Variants in SOX5 observed in about 807,000 individuals in gnomAD.
The protein encoded by SOX5 is transcription factor SOX-5.
SOX5 carries 9 observed loss-of-function variants against 92.0 expected under a neutral mutation model. The observed-to-expected ratio is 0.10, with a 90% CI of 0.06 to 0.17. The LOEUF (loss-of-function observed/expected upper bound fraction) is 0.17. Among genes scored for constraint, SOX5 ranks in the 10% least tolerant of loss-of-function variants. SOX5 has a pLI of 1.00. For missense variants in SOX5, 642 were observed against 944.5 expected (o/e 0.68, Z 4.20); for synonymous variants, 344 against 336.3 (o/e 1.02, Z -0.25).
intron 1 of SOX5, among the ~76,000 whole-genome samples, chr12:24,469,190 C>T (rs1944530251): frequency 1.3e-5 from 2 of 152,130 alleles, no homozygotes; most frequent in Admixed American, 6.5e-5. Context: ...CCCTCACATA[C>T]ACAGTTTACA....
chr12:23,888,215 T>C (rs957837475), intron 2 of SOX5, among the ~76,000 whole-genome samples: 2 of 152,200 alleles, frequency 1.3e-5, no homozygotes, highest in African/African-American at 4.8e-5. Context: ...AGTTGAATCT[T>C]TCTGCAGCAC....
At chr12:24,553,293 C>G (rs1178013398) in intron 1 of SOX5, among the ~76,000 whole-genome samples, 1 of 152,196 alleles carries the variant, frequency 6.6e-6, no homozygotes, top group African/African-American at 2.4e-5. Flanking sequence ...CACTTGACCA[C>G]TGGAGTCTCT....
At chr12:24,121,120 A>C (rs1178678653) in intron 4 of SOX5, among the ~76,000 whole-genome samples, 1 of 152,220 alleles carries the variant, frequency 6.6e-6, no homozygotes, top group Non-Finnish European at 1.5e-5. Context: ...TTAAATGCTT[A>C]CAAAACAGAC....
chr12:24,033,090 G>T (rs561128834), intron 4 of SOX5, among the ~76,000 whole-genome samples: 3 of 151,910 alleles, frequency 2.0e-5, no homozygotes, highest in South Asian at 2.1e-4. Flanking sequence ...GACCCCAAAA[G>T]GTTGAAATAC....
At chr12:23,874,804 T>C (rs966379562) in intron 2 of SOX5, among the ~76,000 whole-genome samples, 1 of 152,114 alleles carries the variant, frequency 6.6e-6, no homozygotes, top group African/African-American at 2.4e-5. Flanking sequence ...TCATAAATCA[T>C]GAAAAACTAC....
chr12:24,469,134 C>T (rs533718970), intron 1 of SOX5, among the ~76,000 whole-genome samples: 61 of 152,268 alleles, frequency 4.0e-4, no homozygotes, highest in South Asian at 8.3e-4. Flanking sequence ...GAGATACTGA[C>T]GGATCATCAG....
intron 3 of SOX5, among the ~76,000 whole-genome samples, chr12:24,262,199 A>T (rs1303568156): frequency 6.6e-6 from 1 of 152,180 alleles, no homozygotes; most frequent in Non-Finnish European, 1.5e-5. Context: ...TTCTGCAACG[A>T]ACGAAATTCT....
chr12:24,240,932 A>G (rs558628556), intron 3 of SOX5, among the ~76,000 whole-genome samples: 116 of 152,328 alleles, frequency 7.6e-4, no homozygotes, highest in Admixed American at 7.4e-3. Flanking sequence ...TGTGTAACTC[A>G]AATATTCACA....
At chr12:24,122,636 T>C (rs1473040354) in intron 4 of SOX5, among the ~76,000 whole-genome samples, 1 of 152,216 alleles carries the variant, frequency 6.6e-6, no homozygotes, top group African/African-American at 2.4e-5. Flanking sequence ...AAAGAAGATG[T>C]GAACCTATTT....
intron 1 of SOX5, among the ~76,000 whole-genome samples, chr12:24,386,391 G>A (rs1332216971): frequency 6.6e-6 from 1 of 151,970 alleles, no homozygotes; most frequent in Non-Finnish European, 1.5e-5. Flanking sequence ...CTCAAACCAG[G>A]CCCTGTGTAT....
intron 1 of SOX5, among the ~76,000 whole-genome samples, chr12:24,507,284 G>C (rs1256112431): frequency 6.6e-6 from 1 of 151,802 alleles, no homozygotes; most frequent in Non-Finnish European, 1.5e-5. Context: ...TAAAAATTAG[G>C]TATATAAGTA....
At chr12:24,008,379 A>G (rs1372340536) in intron 4 of SOX5, among the ~76,000 whole-genome samples, 4 of 152,160 alleles carry the variant, frequency 2.6e-5, no homozygotes, top group African/African-American at 9.7e-5. Flanking sequence ...AAATATGTAA[A>G]TGAAGACACT....
chr12:23,676,772 C>A (rs931912296), intron 6 of SOX5, among the ~76,000 whole-genome samples: 1 of 152,128 alleles, frequency 6.6e-6, no homozygotes, highest in Non-Finnish European at 1.5e-5. Flanking sequence ...AGAGGAGATG[C>A]GGAAAAACCT....
At chr12:24,407,933 G>T (rs1443020180) in intron 1 of SOX5, among the ~76,000 whole-genome samples, 1 of 152,170 alleles carries the variant, frequency 6.6e-6, no homozygotes, top group Non-Finnish European at 1.5e-5. Flanking sequence ...GATGAGAGAA[G>T]AAAAATAAAC....
chr12:24,431,026 GCCC>G (rs1304363958), intron 1 of SOX5, among the ~76,000 whole-genome samples: 1 of 152,108 alleles, frequency 6.6e-6, no homozygotes, highest in Non-Finnish European at 1.5e-5. Flanking sequence ...GTCAAAATAT[GCCC>G]CCCTTCCCAT....
At chr12:23,809,000 G>A (rs910428498) in intron 3 of SOX5, among the ~76,000 whole-genome samples, 1 of 152,076 alleles carries the variant, frequency 6.6e-6, no homozygotes, top group Non-Finnish European at 1.5e-5. Flanking sequence ...CATATACGTT[G>A]TAATATTATC....
chr12:23,841,660 C>A (rs2096517721), intron 3 of SOX5, among the ~76,000 whole-genome samples: 1 of 152,008 alleles, frequency 6.6e-6, no homozygotes, highest in African/African-American at 2.4e-5. Flanking sequence ...CATGGAAGAA[C>A]CTTAAATTAC....
At chr12:23,928,243 C>T (rs778213884) in intron 1 of SOX5, among the ~76,000 whole-genome samples, 5 of 152,002 alleles carry the variant, frequency 3.3e-5, no homozygotes, top group East Asian at 1.9e-4. Flanking sequence ...CAAACAGCCA[C>T]GAAAACCAGG....
At chr12:24,533,150 G>T (rs2138678099) in intron 1 of SOX5, among the ~76,000 whole-genome samples, 1 of 151,994 alleles carries the variant, frequency 6.6e-6, no homozygotes, top group Non-Finnish European at 1.5e-5. Flanking sequence ...TCTTTCCAGG[G>T]CAAGTTAAGA....
Sources: gnomAD v4.1 joint callset for allele counts (sites outside exome capture counted in the v4.1 genomes callset) on GRCh38, gnomAD v4.1.1 for gene constraint, MANE v1.5 for transcripts, NCBI Gene and HGNC (gene_info 2026-07-23, HGNC 2026-07-21) for gene names.